CSMD3: variants seen among roughly 807,000 people sequenced by gnomAD.
The protein encoded by CSMD3 is CUB and sushi domain-containing protein 3.
CSMD3 carries 177 observed loss-of-function variants against 435.2 expected under a neutral mutation model. The observed-to-expected ratio is 0.41, with a 90% confidence interval of 0.36 to 0.46. CSMD3 has a LOEUF of 0.46. Ranked by LOEUF, CSMD3 falls within the 20% of genes least tolerant of loss-of-function variation. CSMD3 has a pLI of 0.34. For synonymous variants in CSMD3, 1,656 were observed against 1,520.5 expected, an observed-to-expected ratio of 1.09 and a Z score of -2.07; for missense variants, 4,265 against 4,504.6, an observed-to-expected ratio of 0.95 and a Z score of 1.52.
At chr8:112,333,693 C>CACACACACAA (rs1195559351) in intron 45 of CSMD3, among the ~76,000 whole-genome samples, 1 of 150,656 alleles carries the variant, frequency 6.6e-6, no homozygotes. Flanking sequence ...CACACACACA[C>CACACACACAA]AACACTGACA....
intron 2 of CSMD3, among the ~76,000 whole-genome samples, chr8:113,293,664 A>G (rs1162843335): frequency 1.3e-5 from 2 of 152,092 alleles, no homozygotes; most frequent in Non-Finnish European, 2.9e-5. Flanking sequence ...TAACTCCTGA[A>G]TCACTTCTTT....
intron 10 of CSMD3, among the ~76,000 whole-genome samples, chr8:112,914,586 C>T (rs1221900185): frequency 1.3e-5 from 2 of 151,188 alleles, no homozygotes; most frequent in African/African-American, 2.4e-5. Context: ...TCATATCAAG[C>T]AGAAGACCAG....
intron 10 of CSMD3, among the ~76,000 whole-genome samples, chr8:112,918,816 C>G (rs80001982): frequency 0.014 from 2,086 of 151,974 alleles, 51 homozygotes; most frequent in African/African-American, 0.048. Context: ...TTCTTGATTG[C>G]TCAACCATGC....
intron 70 of CSMD3, 21 bp downstream of exon 70, chr8:112,228,735 G>GT: frequency 6.3e-7 from 1 of 1,592,630 alleles, no homozygotes; most frequent in African/African-American, 1.3e-5. Context: ...ACATTTTGTA[G>GT]TTAAAAATCA....
rs201764966 is a variant in CSMD3 at position 112,237,386 on chromosome 8, A to C, written c.10469-38T>G. On this transcript the variant is annotated intron_variant, in intron 66 of 70. Coordinates refer to ENST00000297405, the MANE Select transcript of CSMD3 (RefSeq NM_198123.2). The stretch of plus-strand genomic sequence containing the variant: ...TAAATATACCACACATTAATTTTAC[A>C]ATGCCATATAAATATAAGCATTAAA... 2.2e-4 allele frequency: 315 copies of C among 1,410,822 alleles called. 2 individuals are homozygous for C. The African/African-American group carries it at 3.7e-3, about 17-fold the overall frequency. The allele number at this position is 1,410,822 out of a possible 1,614,324, so 87.4% of individuals were successfully genotyped here. A position where few individuals can be genotyped will look rare whatever the true frequency, so the allele number is the denominator to read the frequency against.
intron 9 of CSMD3, among the ~76,000 whole-genome samples, chr8:112,942,529 G>A (rs2083482676): frequency 6.6e-6 from 1 of 151,756 alleles, no homozygotes; most frequent in South Asian, 2.1e-4. Flanking sequence ...ATACTATGCA[G>A]CCATAAAAAA....
chr8:112,481,233 A>C (rs1819598160), intron 31 of CSMD3, among the ~76,000 whole-genome samples: 1 of 152,174 alleles, frequency 6.6e-6, no homozygotes, highest in African/African-American at 2.4e-5. Context: ...GAGGAGCAGA[A>C]GAAGAAAAGA....
chr8:113,159,828 T>C (rs550710615), intron 4 of CSMD3, among the ~76,000 whole-genome samples: 1 of 152,104 alleles, frequency 6.6e-6, no homozygotes, highest in African/African-American at 2.4e-5. Context: ...GTCCTAATAG[T>C]TGATCAGTTG....
chr8:112,901,001 T>C (rs1411337536), intron 10 of CSMD3, among the ~76,000 whole-genome samples: 1 of 151,276 alleles, frequency 6.6e-6, no homozygotes, highest in Admixed American at 6.6e-5. Context: ...GTGCACACTG[T>C]AGTAATAACC....
intron 13 of CSMD3, among the ~76,000 whole-genome samples, chr8:112,731,684 C>T (rs2077077949): frequency 6.6e-6 from 1 of 151,990 alleles, no homozygotes; most frequent in Admixed American, 6.6e-5. Context: ...TATTTCAGAG[C>T]TTGATATGTG....
chr8:113,436,812 T>G lies in CSMD3; in HGVS notation c.43A>C (p.Lys15Gln). The stretch of plus-strand genomic sequence containing the variant: ...CTTCGCTTGCCAGGCTCCCAGGGTT[T>G]GGATTCCTTTGCTCGGCTTTCCCCT... ...RKGESRAKESKPWEPGKRRCA... is the reference protein window; with the variant it reads ...RKGESRAKESQPWEPGKRRCA... The change falls in exon 1 of 71, where the codon AAA becomes CAA. Residue 15 changes from lysine (K) to glutamine (Q), a missense_variant. By Grantham distance (53) the Lys-to-Gln change is moderately conservative. Coordinates refer to ENST00000297405, the MANE Select transcript of CSMD3 (RefSeq NM_198123.2). 4 of 1,614,232 alleles carry G rather than the reference T, an allele frequency of 2.5e-6. No individual in the cohort carries two copies. The highest frequency in any genetic ancestry group is 3.4e-6 in the Non-Finnish European group (4 of 1,180,042).
chr8:113,306,777 T>C (rs1046665449), intron 2 of CSMD3, among the ~76,000 whole-genome samples: 6 of 152,128 alleles, frequency 3.9e-5, no homozygotes, highest in Non-Finnish European at 8.8e-5. Flanking sequence ...TATATGTTAA[T>C]TATAAAGAAC....
intron 32 of CSMD3, among the ~76,000 whole-genome samples, chr8:112,410,690 A>ATATATATGTGTATATATATATG (rs1563913576): frequency 1.8e-4 from 20 of 112,570 alleles, no homozygotes; most frequent in Non-Finnish European, 2.4e-4. Context: ...ATATATATGT[A>ATATATATGTGTATATATATATG]TATATATATG....
At chr8:112,945,732 T>G (rs1039635295) in intron 9 of CSMD3, among the ~76,000 whole-genome samples, 1 of 151,688 alleles carries the variant, frequency 6.6e-6, no homozygotes, top group Admixed American at 6.6e-5. Flanking sequence ...GCTTACTTTC[T>G]CTGATGCAAA....
rs1163940997 is a variant in CSMD3, at chr8:113,278,636, C to G, written c.470G>C (p.Ser157Thr). The G allele has an allele frequency of 6.2e-7, 1 of 1,603,814 alleles. No homozygotes were observed. Among genetic ancestry groups the G allele is most frequent in the Admixed American group, 1.7e-5 (1 of 59,854 alleles). The change falls in exon 3 of 71, where the codon AGT (serine) becomes ACT (threonine). Residue 157 changes from serine (S) to threonine (T), a missense_variant. Ser to Thr is a moderately conservative substitution (Grantham distance 58). Transcript: ENST00000297405. ...TKSVFSLRLT[S>T]DFAVSAHGFK... ...TCCATGAGCACTAACTGCAAAATCACTGGTCAAACGTAGTGAGAACACAGA... is the reference window on the plus strand; with the variant it reads ...TCCATGAGCACTAACTGCAAAATCAGTGGTCAAACGTAGTGAGAACACAGA...
chr8:112,401,594 C>G (rs1008454030), intron 35 of CSMD3, among the ~76,000 whole-genome samples: 1 of 151,820 alleles, frequency 6.6e-6, no homozygotes, highest in Non-Finnish European at 1.5e-5. Context: ...AAAAATTTGC[C>G]AACAATGAAA....
chr8:112,425,475 T>G (rs2130335897), intron 32 of CSMD3, among the ~76,000 whole-genome samples: 1 of 152,342 alleles, frequency 6.6e-6, no homozygotes, highest in East Asian at 1.9e-4. Flanking sequence ...TGTGAGGAGT[T>G]TAATCTGTAT....
intron 32 of CSMD3, among the ~76,000 whole-genome samples, chr8:112,466,853 T>A (rs1818005063): frequency 6.6e-6 from 1 of 151,814 alleles, no homozygotes; most frequent in South Asian, 2.1e-4. Context: ...TTGCTACTTA[T>A]CACTGTTTTA....
chr8:112,741,953 G>A (rs1416491742), intron 13 of CSMD3, among the ~76,000 whole-genome samples: 1 of 151,800 alleles, frequency 6.6e-6, no homozygotes, highest in Non-Finnish European at 1.5e-5. Context: ...TGGTCTTCAA[G>A]CAAAGAAAGA....
Sources: gnomAD v4.1 joint callset for allele counts (sites outside exome capture counted in the v4.1 genomes callset) on GRCh38, gnomAD v4.1.1 for gene constraint, MANE v1.5 for transcripts, NCBI Gene and HGNC (gene_info 2026-07-23, HGNC 2026-07-21) for gene names.